The following ARID4B variants were observed in gnomAD, a reference collection of about 807,000 sequenced individuals.
The protein encoded by ARID4B is AT-rich interactive domain-containing protein 4B.
In ARID4B, 26 loss-of-function variants were observed where a neutral mutation model predicts 147.5. The observed-to-expected ratio is 0.18, with a 90% CI of 0.13 to 0.24. ARID4B has a LOEUF of 0.24. ARID4B is among the 10% of genes least tolerant of loss of function. ARID4B has a pLI of 1.00. For synonymous variants in ARID4B, 512 were observed against 507.9 expected (o/e 1.01, Z -0.11); for missense variants, 1,179 against 1,511.5 (o/e 0.78, Z 3.65).
chr1:235,304,708 T>A (rs1243375137), intron 2 of ARID4B, among the ~76,000 whole-genome samples: 1 of 151,880 alleles, frequency 6.6e-6, no homozygotes, highest in East Asian at 1.9e-4. Flanking sequence ...CAAATTGGAG[T>A]TTATCAAACC....
intron 17 of ARID4B, among the ~76,000 whole-genome samples, chr1:235,207,165 T>G (rs1254867340): frequency 6.6e-6 from 1 of 152,208 alleles, no homozygotes; most frequent in African/African-American, 2.4e-5. Context: ...TTTCTATCTC[T>G]CAGTAGGTAC....
chr1:235,175,295 G>C lies in ARID4B; in HGVS notation c.3553C>G (p.Pro1185Ala). The C allele has an allele frequency of 6.2e-7, 1 of 1,614,080 alleles. No homozygotes were observed. Among genetic ancestry groups the C allele is most frequent in the South Asian group, 1.1e-5 (1 of 91,078 alleles). Residue 1185 changes from proline to alanine, a missense_variant, in exon 22 of 24, where the codon CCC becomes GCC. Physicochemically the swap from Pro to Ala is conservative, Grantham distance 27. Around this residue, in one of 10 missense-constraint regions of ARID4B, gnomAD observed 357 missense variants for 427.3 expected, o/e 0.84. Coordinates refer to ENST00000264183, the MANE Select transcript of ARID4B (RefSeq NM_016374.6). Reference sequence around the variant, plus strand: ...TTTCCTGGAGACTGCGTCCTTGCGGGAGATTTGGTACTATGAGACTTCATT... The same window carrying C: ...TTTCCTGGAGACTGCGTCCTTGCGGCAGATTTGGTACTATGAGACTTCATT... ...TGMKSHSTKS[P>A]ARTQSPGKCG... is the part of the protein sequence containing the mutation.
intron 2 of ARID4B, among the ~76,000 whole-genome samples, chr1:235,316,092 T>C (rs1674407382): frequency 1.3e-5 from 2 of 152,174 alleles, no homozygotes; most frequent in South Asian, 2.1e-4. Context: ...GGAAATTATT[T>C]TGGAAATTAT....
chr1:235,313,881 A>G (rs1674252048), intron 2 of ARID4B, among the ~76,000 whole-genome samples: 1 of 152,158 alleles, frequency 6.6e-6, no homozygotes. Flanking sequence ...TTTCAGAAGG[A>G]AAGAATAACA....
chr1:235,304,584 G>A (rs1673413095), intron 2 of ARID4B, among the ~76,000 whole-genome samples: 1 of 152,094 alleles, frequency 6.6e-6, no homozygotes, highest in Non-Finnish European at 1.5e-5. Context: ...GAGTTAAGGG[G>A]CACTCATCTG....
At chr1:235,256,192 T>G (rs1369468330) in intron 4 of ARID4B, among the ~76,000 whole-genome samples, 7 of 94,792 alleles carry the variant, frequency 7.4e-5, no homozygotes, top group Middle Eastern at 5.5e-3. Context: ...AAAAAAAAAG[T>G]GCCAGCAGTT....
intron 2 of ARID4B, among the ~76,000 whole-genome samples, chr1:235,309,444 G>A (rs1431329489): frequency 4.7e-5 from 7 of 148,442 alleles, no homozygotes; most frequent in South Asian, 2.1e-4. Flanking sequence ...CCCCCCGCCC[G>A]GCCAGCCGCC....
intron 17 of ARID4B, among the ~76,000 whole-genome samples, chr1:235,202,543 A>G (rs976234523): frequency 6.7e-6 from 1 of 148,904 alleles, no homozygotes; most frequent in Admixed American, 6.7e-5. Context: ...ATGAAGTACA[A>G]TGAAAAAAAA....
intron 10 of ARID4B, 132 bp downstream of exon 10, chr1:235,230,981 T>A: frequency 1.6e-6 from 1 of 618,398 alleles, no homozygotes; most frequent in South Asian, 2.2e-5. Context: ...AAAATAAAGG[T>A]CACAAGGAAC....
chr1:235,279,836 C>T (rs568914261), intron 2 of ARID4B, among the ~76,000 whole-genome samples: 2 of 152,194 alleles, frequency 1.3e-5, no homozygotes, highest in Non-Finnish European at 2.9e-5. Context: ...ACCCTGGATG[C>T]TGAGTTTTAA....
intron 22 of ARID4B, among the ~76,000 whole-genome samples, chr1:235,173,917 C>G (rs1663653552): frequency 6.7e-6 from 1 of 148,790 alleles, no homozygotes. Context: ...ACCCCATGTA[C>G]TCATTATCCA....
intron 15 of ARID4B, 85 bp downstream of exon 15, chr1:235,220,217 T>A: frequency 8.2e-7 from 1 of 1,215,410 alleles, no homozygotes. Context: ...AATAATATTA[T>A]ACAATATATT....
At chr1:235,249,108 G>A (rs1377100213) in intron 6 of ARID4B, among the ~76,000 whole-genome samples, 5 of 151,098 alleles carry the variant, frequency 3.3e-5, no homozygotes, top group African/African-American at 7.3e-5. Flanking sequence ...CAAGGTGGGC[G>A]GATCACTTGA....
At chr1:235,323,741 A>G (rs1043494196) in intron 2 of ARID4B, among the ~76,000 whole-genome samples, 34 of 151,492 alleles carry the variant, frequency 2.2e-4, no homozygotes, top group African/African-American at 7.3e-4. Context: ...CCGAGATCGC[A>G]CCACTGCACT....
intron 2 of ARID4B, among the ~76,000 whole-genome samples, chr1:235,299,688 G>A (rs1013360661): frequency 1.3e-5 from 2 of 152,136 alleles, no homozygotes; most frequent in African/African-American, 4.8e-5. Flanking sequence ...TTTTAAAAGC[G>A]GAGCAGTTCT....
intron 21 of ARID4B, chr1:235,176,688 C>A: frequency 2.7e-6 from 1 of 365,186 alleles, no homozygotes; most frequent in Non-Finnish European, 5.4e-6. Context: ...ACTGTCTCAG[C>A]CTGGCTTTCA....
rs978833614 is a variant in ARID4B at position 235,201,691 on chromosome 1, C to A, written c.1842-5576G>T. 2.0e-5 allele frequency among the ~76,000 whole-genome samples: 3 copies of A among 152,110 alleles called. No homozygotes were observed. The East Asian group carries it at 5.8e-4, about 29-fold the overall frequency. ...GGTTTTAAAATGCTTCCAGACCAGCCTGGCTAACATGGCGAAACCCCATCT... is the reference window on the plus strand; with the variant it reads ...GGTTTTAAAATGCTTCCAGACCAGCATGGCTAACATGGCGAAACCCCATCT... On this transcript the variant is annotated intron_variant, in intron 17 of 23. Coordinates refer to ENST00000264183, the MANE Select transcript of ARID4B (RefSeq NM_016374.6).
At chr1:235,309,567 G>A (rs1403998938) in intron 2 of ARID4B, among the ~76,000 whole-genome samples, 11 of 145,846 alleles carry the variant, frequency 7.5e-5, no homozygotes, top group Non-Finnish European at 1.5e-4. Context: ...TCAGCCCCCC[G>A]CCCGGTCAGC....
At chr1:235,245,721 T>G (rs1253948300) in intron 7 of ARID4B, among the ~76,000 whole-genome samples, 3 of 152,210 alleles carry the variant, frequency 2.0e-5, no homozygotes, top group African/African-American at 7.2e-5. Context: ...TGTCAGTATA[T>G]GATGTTGATT....
Sources: gnomAD v4.1 joint callset for allele counts (sites outside exome capture counted in the v4.1 genomes callset) on GRCh38, gnomAD v4.1.1 for gene constraint, gnomAD v4.1.1 regional missense constraint, MANE v1.5 for transcripts, NCBI Gene and HGNC (gene_info 2026-07-23, HGNC 2026-07-21) for gene names.